MAPK10: variants seen among roughly 807,000 people sequenced by gnomAD.
MAPK10 encodes the protein JNK3 alpha protein kinase.
MAPK10 carries 25 observed loss-of-function variants against 59.3 expected under a neutral mutation model. That is an observed-to-expected ratio of 0.42 (90% CI 0.31 to 0.59). The LOEUF is 0.59. Ranked by LOEUF, MAPK10 falls within the 20% of genes least tolerant of loss-of-function variation. The probability of loss-of-function intolerance (pLI) is 0.15; values close to 1 mark genes in which losing one functional copy is unlikely to be tolerated. For synonymous variants in MAPK10, 190 were observed against 200.5 expected, an observed-to-expected ratio of 0.95 and a Z score of 0.44; for missense variants, 351 against 568.9, an observed-to-expected ratio of 0.62 and a Z score of 3.90.
chr4:86,353,163 C>G (rs761750815), intron 2 of MAPK10, among the ~76,000 whole-genome samples: 2 of 152,152 alleles, frequency 1.3e-5, no homozygotes, highest in Non-Finnish European at 2.9e-5. Context: ...TGATGCACTT[C>G]CTTTGGCACT....
intron 3 of MAPK10, among the ~76,000 whole-genome samples, chr4:86,169,180 G>C (rs992039312): frequency 4.6e-5 from 7 of 152,330 alleles, no homozygotes; most frequent in Admixed American, 4.6e-4. Flanking sequence ...AAGGAACACA[G>C]TTCCTCACCA....
intron 1 of MAPK10, among the ~76,000 whole-genome samples, chr4:86,502,874 TAAAC>T: frequency 6.6e-6 from 1 of 152,130 alleles, no homozygotes. Context: ...ACTCAGCACA[TAAAC>T]AAAAATAACA....
intron 1 of MAPK10, among the ~76,000 whole-genome samples, chr4:86,359,332 TTC>T (rs1329419997): frequency 4.0e-5 from 5 of 125,976 alleles, no homozygotes; most frequent in African/African-American, 6.2e-5. Flanking sequence ...GTGTGTGTGT[TTC>T]TCTCTCTCTC....
chr4:86,012,998 A>T lies in MAPK10; in HGVS notation c.*4230T>A. On this transcript the variant is annotated 3_prime_UTR_variant, in exon 14 of 14. Coordinates refer to ENST00000641462, the MANE Select transcript of MAPK10 (RefSeq NM_138982.4). Reference sequence around the variant, plus strand: ...GCAAGATGGACATGGCAAGGTGAACAGATAATCCTACATAAGGATTGGGAG... The same window carrying T: ...GCAAGATGGACATGGCAAGGTGAACTGATAATCCTACATAAGGATTGGGAG... 1 of 152,222 alleles carries T rather than the reference A, an allele frequency of 6.6e-6. No individual in the cohort carries two copies. Among genetic ancestry groups the T allele is most frequent in the East Asian group, 1.9e-4 (1 of 5,192 alleles). The allele number at this position is 152,222 out of a possible 1,614,324, so 9.4% of individuals were successfully genotyped here.
intron 13 of MAPK10, among the ~76,000 whole-genome samples, chr4:86,018,019 C>T (rs573918853): frequency 2.6e-5 from 4 of 152,310 alleles, no homozygotes; most frequent in African/African-American, 9.6e-5. Context: ...CCACGCCCCG[C>T]GGGCATTTGC....
At chr4:86,113,893 CAGA>C (rs1238964686) in intron 4 of MAPK10, among the ~76,000 whole-genome samples, 1 of 152,134 alleles carries the variant, frequency 6.6e-6, no homozygotes, top group Non-Finnish European at 1.5e-5. Flanking sequence ...CCATAGTTCT[CAGA>C]AGTTTTGTTC....
At chr4:86,372,561 AAAGAAAG>A (rs1738982862) in intron 1 of MAPK10, among the ~76,000 whole-genome samples, 4 of 20,246 alleles carry the variant, frequency 2.0e-4, no homozygotes, top group Admixed American at 7.4e-4. Context: ...AGAAAGAAAG[AAAGAAAG>A]AAAAGAAAAG....
chr4:86,236,761 A>T (rs1045890667), intron 2 of MAPK10, among the ~76,000 whole-genome samples: 2 of 152,160 alleles, frequency 1.3e-5, no homozygotes, highest in African/African-American at 4.8e-5. Context: ...TGAGATAAGG[A>T]TGTGAGTAAA....
intron 4 of MAPK10, among the ~76,000 whole-genome samples, chr4:86,136,861 C>T (rs948308064): frequency 6.6e-6 from 1 of 151,268 alleles, no homozygotes; most frequent in African/African-American, 2.4e-5. Flanking sequence ...CAATGGAAAA[C>T]AAAAAAAGGC....
intron 1 of MAPK10, among the ~76,000 whole-genome samples, chr4:86,529,416 C>T (rs1316608248): frequency 3.3e-5 from 5 of 152,200 alleles, no homozygotes; most frequent in Non-Finnish European, 1.5e-5. Flanking sequence ...CCGGCCCCCA[C>T]CTCCACCTAG....
intron 4 of MAPK10, among the ~76,000 whole-genome samples, chr4:86,122,087 G>A (rs987727947): frequency 8.6e-5 from 13 of 151,970 alleles, no homozygotes; most frequent in African/African-American, 3.1e-4. Flanking sequence ...GAGAAAAATG[G>A]GTGGCTTTAA....
intron 2 of MAPK10, among the ~76,000 whole-genome samples, chr4:86,348,525 C>G (rs1039571053): frequency 6.6e-6 from 1 of 152,132 alleles, no homozygotes; most frequent in African/African-American, 2.4e-5. Context: ...TTAGATCCTA[C>G]AGTCATTTAG....
intron 9 of MAPK10, among the ~76,000 whole-genome samples, chr4:86,073,473 T>C (rs1223544559): frequency 2.1e-5 from 3 of 142,288 alleles, no homozygotes; most frequent in African/African-American, 7.6e-5. Context: ...CTAGTTCTTT[T>C]AATTGTGATG....
At chr4:86,397,568 G>A (rs969855462) in intron 1 of MAPK10, among the ~76,000 whole-genome samples, 3 of 152,026 alleles carry the variant, frequency 2.0e-5, no homozygotes, top group Non-Finnish European at 4.4e-5. Flanking sequence ...TCAAAGCATT[G>A]AGAACTCCCA....
At chr4:86,346,058 C>T (rs1659450251) in intron 2 of MAPK10, among the ~76,000 whole-genome samples, 1 of 152,106 alleles carries the variant, frequency 6.6e-6, no homozygotes, top group Non-Finnish European at 1.5e-5. Flanking sequence ...TGTTTTGGTT[C>T]CTTAAATTAT....
intron 2 of MAPK10, among the ~76,000 whole-genome samples, chr4:86,292,774 C>T (rs1295045402): frequency 6.6e-6 from 1 of 152,056 alleles, no homozygotes; most frequent in African/African-American, 2.4e-5. Flanking sequence ...GCCTACAAGT[C>T]AAAGGGTGAG....
At chr4:86,090,027 T>C (rs970481767) in intron 9 of MAPK10, among the ~76,000 whole-genome samples, 16 of 152,140 alleles carry the variant, frequency 1.1e-4, no homozygotes, top group African/African-American at 3.9e-4. Flanking sequence ...GGTGGAATTA[T>C]AATGGTCTCT....
At chr4:86,325,681 C>T (rs1043370762) in intron 2 of MAPK10, among the ~76,000 whole-genome samples, 58 of 152,236 alleles carry the variant, frequency 3.8e-4, no homozygotes, top group African/African-American at 1.2e-3. Context: ...TGTAAAGCAG[C>T]TCTTAAGTAA....
chr4:86,459,769 G>T (rs920190193), intron 1 of MAPK10, among the ~76,000 whole-genome samples: 1 of 152,146 alleles, frequency 6.6e-6, no homozygotes, highest in Non-Finnish European at 1.5e-5. Context: ...CAGGCAGAAA[G>T]GGTGGGAAGG....
Sources: allele counts gnomAD v4.1 joint callset (sites outside exome capture counted in the v4.1 genomes callset), GRCh38; gene constraint gnomAD v4.1.1; transcripts MANE v1.5; gene names NCBI Gene and HGNC (gene_info 2026-07-23, HGNC 2026-07-21).